The following USP3 variants were observed in gnomAD, a reference collection of about 807,000 sequenced individuals.
USP3 encodes ubiquitin specific peptidase 3.
A neutral mutation model predicts 72.3 loss-of-function variants in USP3; 20 were observed. The ratio of observed to expected loss-of-function variants is 0.28; its 90% CI spans 0.19 to 0.40. The LOEUF (loss-of-function observed/expected upper bound fraction) is 0.40, where lower values mean the gene tolerates loss of function less well. Ranked by LOEUF, USP3 falls within the 10% of genes least tolerant of loss-of-function variation. The probability of loss-of-function intolerance (pLI) is 1.00; values close to 1 mark genes in which losing one functional copy is unlikely to be tolerated. For synonymous variants in USP3, 222 were observed against 225.3 expected (o/e 0.99, Z 0.13); for missense variants, 479 against 633.9 (o/e 0.76, Z 2.62).
chr15:63,577,928 CAAAAA>C (rs60885501), intron 11 of USP3, among the ~76,000 whole-genome samples: 11 of 122,674 alleles, frequency 9.0e-5, no homozygotes, highest in African/African-American at 1.5e-4. Context: ...GACCCTGCCT[CAAAAA>C]AAAAAAAAAA....
chr15:63,514,775 A>T (rs16947181), intron 1 of USP3, among the ~76,000 whole-genome samples: 1,765 of 152,258 alleles, frequency 0.012, 34 homozygotes, highest in African/African-American at 0.04. Context: ...ACTTGCAACT[A>T]TTATTTTGAA....
At chr15:63,579,391 A>G (rs1488376782) in intron 11 of USP3, among the ~76,000 whole-genome samples, 1 of 152,250 alleles carries the variant, frequency 6.6e-6, no homozygotes, top group Non-Finnish European at 1.5e-5. Flanking sequence ...TAGAACTACT[A>G]ATATAGAGCA....
At position 63,586,248 on chromosome 15, in the gene USP3, T is replaced by C. The variant is rs1595777785; in HGVS notation, c.1097-2057T>C. Among the ~76,000 whole-genome samples, 3 of 152,342 alleles carry C rather than the reference T, an allele frequency of 2.0e-5. No homozygotes were observed. The South Asian group carries it at 6.2e-4, about 32-fold the overall frequency. On this transcript the variant is annotated intron_variant, in intron 11 of 14. Transcript: ENST00000380324. Reference sequence around the variant, plus strand: ...AGTGGCAAAAGTGAGCATCCTTGTCTTCCTGATCTTGGAGGCAAAGCTTTC... The same window carrying C: ...AGTGGCAAAAGTGAGCATCCTTGTCCTCCTGATCTTGGAGGCAAAGCTTTC...
At chr15:63,535,575 C>T (rs914208344) in intron 2 of USP3, among the ~76,000 whole-genome samples, 2 of 152,160 alleles carry the variant, frequency 1.3e-5, no homozygotes, top group Non-Finnish European at 2.9e-5. Flanking sequence ...AGCTTATCCT[C>T]TTAATCATTA....
rs1217546085 is a variant in USP3 at position 63,528,212 on chromosome 15, A to G, written c.92-4435A>G. 1 of 152,254 alleles carries G rather than the reference A, an allele frequency of 6.6e-6. No homozygotes were observed. Among genetic ancestry groups the G allele is most frequent in the Non-Finnish European group, 1.5e-5 (1 of 68,056 alleles). 9.4% of individuals were successfully genotyped at this position (152,254 alleles called of 1,614,324 possible). A position where few individuals can be genotyped will look rare whatever the true frequency, so the allele number is the denominator to read the frequency against. On this transcript the variant is annotated intron_variant, in intron 1 of 14. Coordinates refer to ENST00000380324, the MANE Select transcript of USP3 (RefSeq NM_006537.4). The surrounding 1 kb of genome is among the most constrained non-coding windows in gnomAD (Gnocchi z 4.3). ...TTGGAAGAATCCAAGTAAACCGAAG[A>G]AATTTGCTGGAGGACGGGGTATCTT...
rs1002748554 is a variant in USP3, at chr15:63,561,865, A to G, written c.648-1030A>G. Among the ~76,000 whole-genome samples the G allele has an allele frequency of 2.0e-5, 3 of 152,248 alleles. No individual in the cohort carries two copies. The East Asian group carries it at 5.8e-4, about 29-fold the overall frequency. On this transcript the variant is annotated intron_variant, in intron 7 of 14. Coordinates refer to ENST00000380324, the MANE Select transcript of USP3 (RefSeq NM_006537.4). ...AGATTCTCTGAGATACCAATCAAGTATCCGAAAATATGGTGCTTATGTTGA... is the reference window on the plus strand; with the variant it reads ...AGATTCTCTGAGATACCAATCAAGTGTCCGAAAATATGGTGCTTATGTTGA...
Position 63,570,682 on chromosome 15 carries a change from C to T in USP3, c.908+103C>T. 1 of 1,495,130 alleles carries T rather than the reference C, an allele frequency of 6.7e-7. No individual in the cohort carries two copies. The highest frequency in any genetic ancestry group is 8.9e-7 in the Non-Finnish European group (1 of 1,119,418). The allele number at this position is 1,495,130 out of a possible 1,614,324, so 92.6% of individuals were successfully genotyped here. Reference sequence around the variant, plus strand: ...ACGGAAGGTAGAGGGGTTTCTTGGACATTTGCTGGAACTTTTCGTGCCCTT... The same window carrying T: ...ACGGAAGGTAGAGGGGTTTCTTGGATATTTGCTGGAACTTTTCGTGCCCTT... On this transcript the variant is annotated intron_variant, in intron 9 of 14. Coordinates refer to ENST00000380324, the MANE Select transcript of USP3 (RefSeq NM_006537.4). The surrounding 1 kb of genome is among the most constrained non-coding windows in gnomAD (Gnocchi z 4.4).
intron 1 of USP3, among the ~76,000 whole-genome samples, chr15:63,519,051 C>A (rs944059769): frequency 3.3e-5 from 5 of 152,218 alleles, no homozygotes; most frequent in African/African-American, 1.2e-4. Context: ...AAGCGTGAGC[C>A]ACCGCGCCTG....
intron 1 of USP3, among the ~76,000 whole-genome samples, chr15:63,508,685 A>G (rs553945135): frequency 1.3e-5 from 2 of 152,324 alleles, no homozygotes; most frequent in African/African-American, 4.8e-5. Flanking sequence ...AACCAGTGGG[A>G]AAAAACAAAA....
intron 1 of USP3, among the ~76,000 whole-genome samples, chr15:63,513,076 C>G (rs1188484976): frequency 1.3e-5 from 2 of 152,226 alleles, no homozygotes; most frequent in Non-Finnish European, 2.9e-5. Context: ...TCCAGTAGCT[C>G]TATCAGTGTG....
chr15:63,545,052 A>C (rs1043671800), intron 3 of USP3, among the ~76,000 whole-genome samples: 23 of 140,806 alleles, frequency 1.6e-4, no homozygotes, highest in African/African-American at 5.2e-4. Flanking sequence ...GCAAGGTTAA[A>C]TACTAGAAGT....
Position 63,590,986 on chromosome 15 carries a change from T to G in USP3, c.*160T>G. On this transcript the variant is annotated 3_prime_UTR_variant, in exon 15 of 15. Coordinates refer to ENST00000380324, the MANE Select transcript of USP3 (RefSeq NM_006537.4). ...TGACTTACTGAACATGGGCACCAAC[T>G]AATTTTGTTGTTGTTCTACCAGAAA... is the stretch of plus-strand genomic sequence containing the variant. 1 of 839,330 alleles carries G rather than the reference T, an allele frequency of 1.2e-6. No homozygotes were observed. Among genetic ancestry groups the G allele is most frequent in the Non-Finnish European group, 1.7e-6 (1 of 603,940 alleles). The allele number at this position is 839,330 out of a possible 1,614,324, so 52.0% of individuals were successfully genotyped here. A position where few individuals can be genotyped will look rare whatever the true frequency, so the allele number is the denominator to read the frequency against.
intron 11 of USP3, among the ~76,000 whole-genome samples, chr15:63,585,646 C>T (rs2067043268): frequency 1.3e-5 from 2 of 151,924 alleles, no homozygotes; most frequent in Non-Finnish European, 1.5e-5. Context: ...CTTATAAATC[C>T]TTCTTTCATG....
At chr15:63,539,000 A>G (rs1488994880) in intron 3 of USP3, among the ~76,000 whole-genome samples, 2 of 152,194 alleles carry the variant, frequency 1.3e-5, no homozygotes, top group Non-Finnish European at 2.9e-5. Context: ...AGATTTTTAC[A>G]CAAAGGTTAG....
rs1180675814 is a variant in USP3, at chr15:63,547,761, G to GGAGA, written c.285-5918_285-5915dup. On this transcript the variant is annotated intron_variant, in intron 3 of 14. Transcript: ENST00000380324. ...GAGAGAGAGGGAGGGAGGGAGGGAG[G>GGAGA]GAGAGAGAGAGAGAGAGAGAGAGAG... is the stretch of plus-strand genomic sequence containing the variant. Among the ~76,000 whole-genome samples, 38 of 4,452 alleles carry GGAGA rather than the reference G, an allele frequency of 8.5e-3. 4 individuals are homozygous for GGAGA. Among genetic ancestry groups the GGAGA allele is most frequent in the East Asian group, 0.041 (11 of 268 alleles). 2.9% of individuals were successfully genotyped at this position (4,452 alleles called of 152,430 possible).
rs1387853523 is a variant in USP3, at chr15:63,593,709, T to C, written c.*2883T>C. The C allele has an allele frequency of 4.6e-5, 7 of 152,248 alleles. No homozygotes were observed. The highest frequency in any genetic ancestry group is 1.0e-4 in the Non-Finnish European group (7 of 68,038). 9.4% of individuals were successfully genotyped at this position (152,248 alleles called of 1,614,324 possible). A position where few individuals can be genotyped will look rare whatever the true frequency, so the allele number is the denominator to read the frequency against. On this transcript the variant is annotated 3_prime_UTR_variant, in exon 15 of 15. Transcript: ENST00000380324. ...TGAACAGCAGTGATGTAAATGTGCT[T>C]ATTTGTGTTTTCATTTTTAACTGTG...
At chr15:63,519,711 T>C (rs2152652217) in intron 1 of USP3, among the ~76,000 whole-genome samples, 1 of 152,366 alleles carries the variant, frequency 6.6e-6, no homozygotes, top group Non-Finnish European at 1.5e-5. Context: ...CCATTGATGA[T>C]TCTTGCCTGA....
At chr15:63,510,746 TAAC>T (rs1294563275) in intron 1 of USP3, among the ~76,000 whole-genome samples, 1 of 152,138 alleles carries the variant, frequency 6.6e-6, no homozygotes, top group Non-Finnish European at 1.5e-5. Context: ...AGAATAGCAT[TAAC>T]AACAGTAACA....
rs1305179750 is a variant in USP3 at position 63,590,737 on chromosome 15, C to G, written c.1474C>G (p.Leu492Val). ...CCACTTCAATGACAGTACTGTAACACTGACTGACGAGGAGACTGTGGTGAA... is the reference window on the plus strand; with the variant it reads ...CCACTTCAATGACAGTACTGTAACAGTGACTGACGAGGAGACTGTGGTGAA... Reference protein sequence around the residue: ...WFHFNDSTVTLTDEETVVKAK... With the variant: ...WFHFNDSTVTVTDEETVVKAK... The change falls in exon 15 of 15, where the codon CTG becomes GTG. Residue 492 changes from leucine (L) to valine (V), a missense_variant. Physicochemically the swap from Leu to Val is conservative, Grantham distance 32. Coordinates refer to ENST00000380324, the MANE Select transcript of USP3 (RefSeq NM_006537.4). The G allele has an allele frequency of 1.2e-6, 2 of 1,614,060 alleles. No homozygotes were observed. The highest frequency in any genetic ancestry group is 3.3e-5 in the Admixed American group (2 of 60,006).
Sources: gnomAD v4.1 joint callset for allele counts (sites outside exome capture counted in the v4.1 genomes callset) on GRCh38, gnomAD v4.1.1 for gene constraint, Gnocchi (gnomAD v3.1) non-coding constraint, MANE v1.5 for transcripts, NCBI Gene and HGNC (gene_info 2026-07-23, HGNC 2026-07-21) for gene names.